The following EARS2 variants were observed in gnomAD, a reference collection of about 807,000 sequenced individuals.
The protein encoded by EARS2 is nondiscriminating glutamyl-tRNA synthetase EARS2, mitochondrial.
Under a neutral mutation model 54.1 loss-of-function variants are expected in EARS2, and 50 were observed. The ratio of observed to expected loss-of-function variants is 0.92; its 90% CI spans 0.74 to 1.17. EARS2 has a LOEUF of 1.17. Ranked by LOEUF, EARS2 falls within the 50% of genes most tolerant of loss-of-function variation. The pLI is 0.00. For synonymous variants in EARS2, 298 were observed against 281.0 expected (o/e 1.06, Z -0.61); for missense variants, 673 against 675.0 (o/e 1.00, Z 0.03).
chr16:23,535,877 G>A (rs1391224841), intron 3 of EARS2, among the ~76,000 whole-genome samples: 2 of 152,214 alleles, frequency 1.3e-5, no homozygotes, highest in African/African-American at 4.8e-5. Flanking sequence ...TGTAAGGGGA[G>A]CATGCTTGGA....
chr16:23,525,912 T>C (rs1326458438), intron 7 of EARS2, among the ~76,000 whole-genome samples: 1 of 150,814 alleles, frequency 6.6e-6, no homozygotes, highest in Non-Finnish European at 1.5e-5. Flanking sequence ...GCAGAAGAAT[T>C]GCTTGAACCT....
intron 1 of EARS2, among the ~76,000 whole-genome samples, chr16:23,556,177 TGA>T (rs769352484): frequency 3.3e-5 from 5 of 152,158 alleles, no homozygotes; most frequent in Non-Finnish European, 7.4e-5. Flanking sequence ...GGATTTGGGA[TGA>T]GAGGCATACT....
chr16:23,555,884 TG>T (rs1385746450), intron 1 of EARS2, among the ~76,000 whole-genome samples: 1 of 152,240 alleles, frequency 6.6e-6, no homozygotes, highest in Non-Finnish European at 1.5e-5. Context: ...TTTGCCATAT[TG>T]GCCAGGCGAA....
chr16:23,532,135 G>A (rs968569317), intron 5 of EARS2, among the ~76,000 whole-genome samples: 1 of 152,178 alleles, frequency 6.6e-6, no homozygotes, highest in Admixed American at 6.5e-5. Flanking sequence ...CTTTGACTCA[G>A]ACATGTTAAC....
Position 23,557,296 on chromosome 16 carries a change from C to T in EARS2, c.48G>A (p.Ala16=). 2.0e-6 allele frequency: 3 copies of T among 1,513,726 alleles called. No individual in the cohort carries two copies. Among genetic ancestry groups the T allele is most frequent in the Non-Finnish European group, 2.6e-6 (3 of 1,142,290 alleles). 93.8% of individuals were successfully genotyped at this position (1,513,726 alleles called of 1,614,324 possible). A position where few individuals can be genotyped will look rare whatever the true frequency, so the allele number is the denominator to read the frequency against. ...RRLLQRERPS[A]ASGRPVGRRE... ...GCCGTCCTACGGGGCGGCCAGAGGC[C>T]GCCGAAGGCCTCTCGCGCTGCAGCA... is the stretch of plus-strand genomic sequence containing the variant. Residue 16 remains alanine (A), a synonymous_variant, in exon 1 of 9, where the codon GCG becomes GCA. Transcript: ENST00000449606.
At chr16:23,526,500 A>G (rs1207181898) in intron 7 of EARS2, among the ~76,000 whole-genome samples, 1 of 152,240 alleles carries the variant, frequency 6.6e-6, no homozygotes, top group Admixed American at 6.5e-5. Flanking sequence ...AGACATTACA[A>G]AAGGATCTAA....
rs1306094005 is a variant in EARS2 at position 23,522,493 on chromosome 16, T to C, written c.*1878A>G. The C allele has an allele frequency of 2.0e-5, 3 of 152,334 alleles. No homozygotes were observed. The highest frequency in any genetic ancestry group is 7.2e-5 in the African/African-American group (3 of 41,420). The allele number at this position is 152,334 out of a possible 1,614,324, so 9.4% of individuals were successfully genotyped here. A position where few individuals can be genotyped will look rare whatever the true frequency, so the allele number is the denominator to read the frequency against. ...GTTTTTTTTTTGGCTTTTTGGTAGA[T>C]GCTGTGGCTCTCTTATGGCCTCCAA... On this transcript the variant is annotated 3_prime_UTR_variant, in exon 9 of 9. Coordinates refer to ENST00000449606, the MANE Select transcript of EARS2 (RefSeq NM_001083614.2).
chr16:23,535,529 T>C (rs1385626368), intron 3 of EARS2, 169 bp from the exon 4 acceptor site: 7 of 630,594 alleles, frequency 1.1e-5, no homozygotes, highest in African/African-American at 9.2e-5. Flanking sequence ...TGAGATAACA[T>C]GGTGTAGCAG....
chr16:23,531,521 A>G (rs953285134), intron 5 of EARS2, among the ~76,000 whole-genome samples: 1 of 152,034 alleles, frequency 6.6e-6, no homozygotes, highest in Non-Finnish European at 1.5e-5. Flanking sequence ...TCGGCCTCCT[A>G]AAGTGCTGGG....
At chr16:23,526,549 A>G (rs905756906) in intron 7 of EARS2, among the ~76,000 whole-genome samples, 20 of 152,236 alleles carry the variant, frequency 1.3e-4, no homozygotes, top group African/African-American at 4.8e-4. Flanking sequence ...CAAAAAAGAA[A>G]CTTAGGAATA....
intron 1 of EARS2, among the ~76,000 whole-genome samples, chr16:23,554,943 A>T (rs1471869051): frequency 6.6e-6 from 1 of 152,218 alleles, no homozygotes; most frequent in African/African-American, 2.4e-5. Context: ...CAGCTACTGT[A>T]ATGATCTGTG....
At chr16:23,548,645 A>G (rs986217726) in intron 2 of EARS2, among the ~76,000 whole-genome samples, 1 of 151,906 alleles carries the variant, frequency 6.6e-6, no homozygotes, top group African/African-American at 2.4e-5. Context: ...GTGTAATGGC[A>G]TGACTGACAG....
rs1947324060 is a variant in EARS2 at position 23,522,238 on chromosome 16, C to G, written c.*2133G>C. The G allele has an allele frequency of 5.4e-6, 1 of 183,556 alleles. No homozygotes were observed. The highest frequency in any genetic ancestry group is 1.1e-4 in the South Asian group (1 of 9,206). The allele number at this position is 183,556 out of a possible 1,614,324, so 11.4% of individuals were successfully genotyped here. Reference sequence around the variant, plus strand: ...CAACTTTTCCTCCATTGCATATAATCCCTGTGAAACTACCTATTACTGGCC... The same window carrying G: ...CAACTTTTCCTCCATTGCATATAATGCCTGTGAAACTACCTATTACTGGCC... On this transcript the variant is annotated 3_prime_UTR_variant, in exon 9 of 9. Transcript: ENST00000449606.
intron 1 of EARS2, 107 bp downstream of exon 1, chr16:23,557,098 C>T: frequency 6.9e-7 from 1 of 1,445,402 alleles, no homozygotes; most frequent in Non-Finnish European, 9.1e-7. Flanking sequence ...TAACCCTCCT[C>T]CGCCCGCCCA....
chr16:23,556,378 C>A (rs1359477179), intron 1 of EARS2, among the ~76,000 whole-genome samples: 2 of 152,092 alleles, frequency 1.3e-5, no homozygotes, highest in African/African-American at 4.8e-5. Flanking sequence ...TTTTGAGACA[C>A]AGTTTCGCTC....
At position 23,525,250 on chromosome 16, in the gene EARS2, TC is replaced by T; in HGVS notation, c.1481del (p.Gly494AspfsTer8). On this transcript the variant is annotated frameshift_variant, in exon 8 of 9. Coordinates refer to ENST00000449606, the MANE Select transcript of EARS2 (RefSeq NM_001083614.2). LOFTEE classifies it high-confidence loss of function. ...VMKLLRMALS[G>X]QQQGPPVAEM... ...ACCCGTGTCCCTGCCTCACCTGCTG[TC>T]CACTGAGGGCCATCCGAAGGAGTTT... 6.2e-7 allele frequency: 1 copy of T among 1,614,156 alleles called. No individual in the cohort carries two copies. The highest frequency in any genetic ancestry group is 8.5e-7 in the Non-Finnish European group (1 of 1,180,030).
chr16:23,547,659 C>A (rs1314608751), intron 2 of EARS2, among the ~76,000 whole-genome samples: 1 of 152,108 alleles, frequency 6.6e-6, no homozygotes, highest in Non-Finnish European at 1.5e-5. Context: ...CATGTGCCAC[C>A]ACGCCCAACT....
At chr16:23,555,361 A>C (rs896257678) in intron 1 of EARS2, among the ~76,000 whole-genome samples, 1 of 152,110 alleles carries the variant, frequency 6.6e-6, no homozygotes, top group East Asian at 1.9e-4. Context: ...GTGGTCACAC[A>C]CTTGTAGTCC....
intron 2 of EARS2, among the ~76,000 whole-genome samples, chr16:23,549,900 T>C (rs763961510): frequency 5.3e-5 from 8 of 152,202 alleles, no homozygotes; most frequent in Non-Finnish European, 1.2e-4. Flanking sequence ...TTGAACATTC[T>C]TCCCCCAGGT....
Sources: allele counts gnomAD v4.1 joint callset (sites outside exome capture counted in the v4.1 genomes callset), GRCh38; gene constraint gnomAD v4.1.1; transcripts MANE v1.5; gene names NCBI Gene and HGNC (gene_info 2026-07-23, HGNC 2026-07-21).